UNC13B: variants seen among roughly 807,000 people sequenced by gnomAD.
UNC13B encodes the protein unc-13 homolog B.
In UNC13B, 144 loss-of-function variants were observed where a neutral mutation model predicts 211.0. The observed-to-expected ratio is 0.68, with a 90% CI of 0.60 to 0.78. The LOEUF (loss-of-function observed/expected upper bound fraction) is 0.78, where lower values mean the gene tolerates loss of function less well. Among genes scored for constraint, UNC13B ranks in the 30% least tolerant of loss-of-function variants. UNC13B has a pLI of 0.00. For synonymous variants in UNC13B, 709 were observed against 725.8 expected (o/e 0.98, Z 0.37); for missense variants, 1,777 against 2,002.0 (o/e 0.89, Z 2.14).
chr9:35,335,159 C>T (rs1831582930), intron 11 of UNC13B, among the ~76,000 whole-genome samples: 1 of 152,146 alleles, frequency 6.6e-6, no homozygotes, highest in Non-Finnish European at 1.5e-5. Context: ...GGAACAAGCC[C>T]TTTGGATTAG....
chr9:35,171,110 C>CT (rs1017287277), intron 1 of UNC13B, among the ~76,000 whole-genome samples: 11 of 149,870 alleles, frequency 7.3e-5, no homozygotes, highest in South Asian at 4.3e-4. Context: ...TGCCTGGCTC[C>CT]TTTTTTTTTG....
At position 35,328,598 on chromosome 9, in the gene UNC13B, CCCTTCCTTCCTTCCTT is replaced by C. The variant is rs34586347; in HGVS notation, c.9414+14661_9414+14676del. On this transcript the variant is annotated intron_variant, in intron 11 of 39. Coordinates refer to ENST00000635942, the MANE Select transcript of UNC13B (RefSeq NM_001371189.2). ...GCCTGGCTTCTGGTTCTGAATTGTC[CCCTTCCTTCCTTCCTT>C]CCTTCCTTCCTTCCTTCCTTCCTTC... Among the ~76,000 whole-genome samples the C allele has an allele frequency of 9.6e-3, 951 of 98,702 alleles. 49 individuals carry two copies. Among genetic ancestry groups the C allele is most frequent in the Middle Eastern group, 0.036 (7 of 192 alleles). The allele number at this position is 98,702 out of a possible 152,430, so 64.8% of individuals were successfully genotyped here.
chr9:35,287,095 C>G, intron 7 of UNC13B, among the ~76,000 whole-genome samples: 1 of 151,474 alleles, frequency 6.6e-6, no homozygotes, highest in Non-Finnish European at 1.5e-5. Context: ...AATTATCTTT[C>G]CTTTAGAGTT....
chr9:35,185,084 G>T (rs1822284691), intron 1 of UNC13B, among the ~76,000 whole-genome samples: 1 of 152,020 alleles, frequency 6.6e-6, no homozygotes, highest in African/African-American at 2.4e-5. Flanking sequence ...CCTATTAGAA[G>T]CCTCCTCTTA....
intron 7 of UNC13B, among the ~76,000 whole-genome samples, chr9:35,268,416 G>T (rs546899589): frequency 1.3e-5 from 2 of 152,228 alleles, no homozygotes; most frequent in South Asian, 4.1e-4. Context: ...TCAAGAGATC[G>T]AGACCATCCT....
At position 35,246,920 on chromosome 9, in the gene UNC13B, T is replaced by C. The variant is rs552145904; in HGVS notation, c.468+3556T>C. Among the ~76,000 whole-genome samples, 38 of 152,322 alleles carry C rather than the reference T, an allele frequency of 2.5e-4. No individual in the cohort carries two copies. In the East Asian group the frequency reaches 3.9e-3, roughly 15 times the overall value. On this transcript the variant is annotated intron_variant, in intron 6 of 39. Coordinates refer to ENST00000635942, the MANE Select transcript of UNC13B (RefSeq NM_001371189.2). ...TTGGTAGCTTGATGGGGGGATGGCA[T>C]TGAATCTATAAATTACCTTGGGCAG...
Position 35,200,277 on chromosome 9 carries a change from C to T in UNC13B, c.23-27738C>T, listed in dbSNP as rs1412672902. ...TTTGAAGTCAGGTAGCATGATGCCT[C>T]CAGCTTTGTTCTTTTGGCTTAGGAT... is the stretch of plus-strand genomic sequence containing the variant. On this transcript the variant is annotated intron_variant, in intron 1 of 39. Transcript: ENST00000635942. 2.6e-5 allele frequency among the ~76,000 whole-genome samples: 4 copies of T among 152,278 alleles called. No homozygotes were observed. The South Asian group carries it at 8.3e-4, about 32-fold the overall frequency.
intron 7 of UNC13B, among the ~76,000 whole-genome samples, chr9:35,266,035 T>C (rs1301117620): frequency 2.0e-5 from 3 of 152,118 alleles, no homozygotes; most frequent in Non-Finnish European, 1.5e-5. Context: ...ACTCCTGACC[T>C]CAAGTGATCT....
intron 24 of UNC13B, 128 bp downstream of exon 24, chr9:35,386,421 G>A (rs990287181): frequency 1.5e-6 from 2 of 1,317,322 alleles, no homozygotes; most frequent in African/African-American, 2.9e-5. Context: ...AGTGAGTTGT[G>A]GAGTATGAAC....
At chr9:35,236,712 G>T in intron 4 of UNC13B, 126 bp downstream of exon 4, 1 of 845,932 alleles carries the variant, frequency 1.2e-6, no homozygotes. Context: ...TAATTAGAGG[G>T]CATGCAACCT....
At chr9:35,265,852 C>A (rs557938858) in intron 7 of UNC13B, among the ~76,000 whole-genome samples, 1 of 152,110 alleles carries the variant, frequency 6.6e-6, no homozygotes, top group African/African-American at 2.4e-5. Flanking sequence ...GATGGAGTCT[C>A]TCTCACTCTG....
At chr9:35,203,227 A>G (rs1204689569) in intron 1 of UNC13B, among the ~76,000 whole-genome samples, 2 of 152,184 alleles carry the variant, frequency 1.3e-5, no homozygotes, top group East Asian at 3.8e-4. Context: ...TTTGCTTGTT[A>G]GTTGATGCAG....
intron 1 of UNC13B, among the ~76,000 whole-genome samples, chr9:35,184,428 T>C (rs887916443): frequency 1.1e-4 from 16 of 152,072 alleles, no homozygotes; most frequent in Non-Finnish European, 2.1e-4. Context: ...ACACTGAGCA[T>C]TGAGTGAGCG....
At chr9:35,250,667 G>A (rs946497625) in intron 6 of UNC13B, among the ~76,000 whole-genome samples, 1 of 152,026 alleles carries the variant, frequency 6.6e-6, no homozygotes, top group Non-Finnish European at 1.5e-5. Context: ...CACTTCTCTT[G>A]CGTATGACTT....
rs1380781133 is a variant in UNC13B at position 35,381,428 on chromosome 9, G to A, written c.10492-128G>A. 6 of 1,225,810 alleles carry A rather than the reference G, an allele frequency of 4.9e-6. No individual in the cohort carries two copies. In the Admixed American group the frequency reaches 1.1e-4, roughly 22 times the overall value. The allele number at this position is 1,225,810 out of a possible 1,614,324, so 75.9% of individuals were successfully genotyped here. ...GCCTACTGGGGCCACAGGAGGAACT[G>A]AGCAATGACTGGAAGGACAGAATTT... is the stretch of plus-strand genomic sequence containing the variant. On this transcript the variant is annotated intron_variant, in intron 19 of 39. Coordinates refer to ENST00000635942, the MANE Select transcript of UNC13B (RefSeq NM_001371189.2).
At chr9:35,205,583 C>T (rs183217713) in intron 1 of UNC13B, among the ~76,000 whole-genome samples, 79 of 152,312 alleles carry the variant, frequency 5.2e-4, no homozygotes, top group Admixed American at 2.5e-3. Context: ...TGGGAAACCA[C>T]GAATCTACTT....
In UNC13B at chr9:35,377,739, G is replaced by A. The variant is rs201080622; in HGVS notation, c.10063+44G>A. ...GAGGGGACAGGAAGGCCTGGGCTAT[G>A]GGGAGGAGACTGGGGAAGAAACATC... On this transcript the variant is annotated intron_variant, in intron 16 of 39. Transcript: ENST00000635942. The A allele has an allele frequency of 2.3e-4, 368 of 1,586,398 alleles. 4 individuals are homozygous for A. The Admixed American group carries it at 5.9e-3, about 25-fold the overall frequency.
intron 11 of UNC13B, among the ~76,000 whole-genome samples, chr9:35,314,547 C>T (rs1830348580): frequency 6.6e-6 from 1 of 151,966 alleles, no homozygotes; most frequent in South Asian, 2.1e-4. Context: ...GCAGAAGGTA[C>T]TTTTTTTTCC....
At chr9:35,250,197 T>A (rs1826376254) in intron 6 of UNC13B, among the ~76,000 whole-genome samples, 1 of 152,230 alleles carries the variant, frequency 6.6e-6, no homozygotes. Flanking sequence ...TACCATACAG[T>A]TCACTCATTT....
Sources: allele counts gnomAD v4.1 joint callset (sites outside exome capture counted in the v4.1 genomes callset), GRCh38; gene constraint gnomAD v4.1.1; transcripts MANE v1.5; gene names NCBI Gene and HGNC (gene_info 2026-07-23, HGNC 2026-07-21).